Variants in OPALIN observed in about 807,000 individuals in gnomAD.
The protein encoded by OPALIN is oligodendrocytic myelin paranodal and inner loop protein, also known as transmembrane protein 10.
OPALIN carries 15 observed loss-of-function variants against 17.8 expected under a neutral mutation model. The observed-to-expected ratio is 0.84, with a 90% confidence interval of 0.56 to 1.29. OPALIN has a LOEUF of 1.29. Ranked by LOEUF, OPALIN falls within the 50% of genes most tolerant of loss-of-function variation. The pLI is 0.00. For missense variants in OPALIN, 170 were observed against 176.0 expected (o/e 0.97, Z 0.19); for synonymous variants, 62 against 63.8 (o/e 0.97, Z 0.14).
chr10:96,356,070 G>A (rs140652552), intron 1 of OPALIN, among the ~76,000 whole-genome samples: 111 of 152,288 alleles, frequency 7.3e-4, no homozygotes, highest in African/African-American at 2.5e-3. Flanking sequence ...AATGATGGGT[G>A]GACCTGTTCT....
At chr10:96,348,461 A>G in intron 4 of OPALIN, 116 bp from the exon 5 acceptor site, 1 of 530,746 alleles carries the variant, frequency 1.9e-6, no homozygotes, top group East Asian at 3.2e-5. Flanking sequence ...TGTACATTAA[A>G]ACAAACAAAA....
intron 2 of OPALIN, chr10:96,353,569 A>C: frequency 3.8e-6 from 3 of 795,266 alleles, no homozygotes; most frequent in Non-Finnish European, 4.6e-6. Context: ...TTCTCAGAGA[A>C]ATGAGCTGTT....
At chr10:96,352,681 TA>T (rs72007324) in intron 2 of OPALIN, among the ~76,000 whole-genome samples, 1,619 of 96,766 alleles carry the variant, frequency 0.017, 18 homozygotes, top group Middle Eastern at 0.048. Flanking sequence ...TGGCTTTCAC[TA>T]AAAAAAAAAA....
chr10:96,356,977 G>T, intron 1 of OPALIN: 1 of 985,486 alleles, frequency 1.0e-6, no homozygotes, highest in Non-Finnish European at 1.2e-6. Flanking sequence ...AGTAGTCTCT[G>T]TGGATGAATC....
intron 1 of OPALIN, among the ~76,000 whole-genome samples, chr10:96,355,946 C>T (rs916857674): frequency 2.0e-5 from 3 of 152,186 alleles, no homozygotes; most frequent in African/African-American, 7.2e-5. Context: ...CAGTGGAGCA[C>T]CAAGTAGCCT....
chr10:96,355,361 C>T lies in OPALIN; in HGVS notation c.4-71G>A. 13 of 1,412,790 alleles carry T rather than the reference C, an allele frequency of 9.2e-6. No homozygotes were observed. In the South Asian group the frequency reaches 1.5e-4, roughly 16 times the overall value. The allele number at this position is 1,412,790 out of a possible 1,614,324, so 87.5% of individuals were successfully genotyped here. ...AGCTCCTTCCTCACTTCCTCAAACT[C>T]ACTGACCCTGGTGGATTCCGAGAGG... On this transcript the variant is annotated intron_variant, in intron 1 of 5. Coordinates refer to ENST00000371172, the MANE Select transcript of OPALIN (RefSeq NM_033207.5).
In OPALIN at chr10:96,344,441, A is replaced by G. The variant is rs1394536180; in HGVS notation, c.*1500T>C. ...AAATGAAACTCATATTGAAGGCAAA[A>G]GAAGAGTACAGAAGAAAAAAAAAAA... On this transcript the variant is annotated 3_prime_UTR_variant, in exon 6 of 6. Transcript: ENST00000371172. The G allele has an allele frequency of 3.2e-5, 4 of 125,232 alleles. No homozygotes were observed. Among genetic ancestry groups the G allele is most frequent in the Non-Finnish European group, 7.0e-5 (4 of 57,066 alleles). The allele number at this position is 125,232 out of a possible 1,614,324, so 7.8% of individuals were successfully genotyped here.
At chr10:96,358,491 A>G (rs11188735) in intron 1 of OPALIN, among the ~76,000 whole-genome samples, 109,716 of 151,614 alleles carry the variant, frequency 0.72, 40,558 homozygotes, top group East Asian at 0.9. Flanking sequence ...CATTTGATTG[A>G]GTCACAACAA....
chr10:96,355,939 T>C (rs548197918), intron 1 of OPALIN, among the ~76,000 whole-genome samples: 2 of 152,346 alleles, frequency 1.3e-5, no homozygotes, highest in South Asian at 4.1e-4. Flanking sequence ...GTGGGCTCAG[T>C]GGAGCACCAA....
chr10:96,351,079 A>G (rs570844414), intron 3 of OPALIN, among the ~76,000 whole-genome samples: 2 of 152,188 alleles, frequency 1.3e-5, no homozygotes, highest in Non-Finnish European at 2.9e-5. Flanking sequence ...GTGCGTGACC[A>G]CTATTCTGAA....
Position 96,356,597 on chromosome 10 carries a change from G to T in OPALIN, c.4-1307C>A, listed in dbSNP as rs1304708871. On this transcript the variant is annotated intron_variant, in intron 1 of 5. Coordinates refer to ENST00000371172, the MANE Select transcript of OPALIN (RefSeq NM_033207.5). ...AACAGAGGATCTCATCCCAACAGAA[G>T]CAAACTGACAAAACACCTATTTCAG... 3.9e-5 allele frequency among the ~76,000 whole-genome samples: 6 copies of T among 152,154 alleles called. No homozygotes were observed. The East Asian group carries it at 1.2e-3, about 29-fold the overall frequency.
chr10:96,351,331 G>A (rs772392252), intron 3 of OPALIN, 47 bp downstream of exon 3: 2 of 1,112,296 alleles, frequency 1.8e-6, no homozygotes, highest in Admixed American at 2.2e-5. Context: ...AAGATGGATG[G>A]AGCATTATTA....
At chr10:96,357,390 C>T (rs756923735) in intron 1 of OPALIN, among the ~76,000 whole-genome samples, 35 of 152,162 alleles carry the variant, frequency 2.3e-4, no homozygotes, top group African/African-American at 8.2e-4. Flanking sequence ...AGAAAAACAT[C>T]GCACAAATTA....
intron 4 of OPALIN, among the ~76,000 whole-genome samples, chr10:96,349,103 T>C (rs561526217): frequency 1.3e-5 from 2 of 152,304 alleles, no homozygotes; most frequent in South Asian, 4.1e-4. Flanking sequence ...ATAACAACCT[T>C]GAATGTCAAT....
chr10:96,358,491 A>T (rs11188735), intron 1 of OPALIN, among the ~76,000 whole-genome samples: 1 of 151,554 alleles, frequency 6.6e-6, no homozygotes, highest in Non-Finnish European at 1.5e-5. Flanking sequence ...CATTTGATTG[A>T]GTCACAACAA....
chr10:96,354,636 C>T lies in OPALIN; in HGVS notation c.39+619G>A, dbSNP rs796528787. On this transcript the variant is annotated intron_variant, in intron 2 of 5. Transcript: ENST00000371172. ...ACAAAAGTCAAAATTTATGTAACGC[C>T]AAACAGGACAGGAAGGGTTACACCA... Among the ~76,000 whole-genome samples the T allele has an allele frequency of 1.6e-4, 24 of 152,184 alleles. 1 individual carries two copies. Among genetic ancestry groups the T allele is most frequent in the African/African-American group, 5.8e-4 (24 of 41,526 alleles).
intron 5 of OPALIN, among the ~76,000 whole-genome samples, chr10:96,347,949 G>A (rs1454995765): frequency 6.6e-6 from 1 of 152,220 alleles, no homozygotes; most frequent in Admixed American, 6.5e-5. Flanking sequence ...CATCTTTCAA[G>A]TCAAGGAAGT....
chr10:96,355,367 C>T lies in OPALIN; in HGVS notation c.4-77G>A, dbSNP rs1178663985. On this transcript the variant is annotated intron_variant, in intron 1 of 5. Coordinates refer to ENST00000371172, the MANE Select transcript of OPALIN (RefSeq NM_033207.5). ...TTCCTCACTTCCTCAAACTCACTGACCCTGGTGGATTCCGAGAGGTCATTG... is the reference window on the plus strand; with the variant it reads ...TTCCTCACTTCCTCAAACTCACTGATCCTGGTGGATTCCGAGAGGTCATTG... 2.9e-6 allele frequency: 4 copies of T among 1,356,444 alleles called. No homozygotes were observed. In the African/African-American group the frequency reaches 5.7e-5, roughly 19 times the overall value. 84.0% of individuals were successfully genotyped at this position (1,356,444 alleles called of 1,614,324 possible).
chr10:96,350,666 AAAAT>A (rs1215261974), intron 3 of OPALIN, among the ~76,000 whole-genome samples: 2 of 152,264 alleles, frequency 1.3e-5, no homozygotes, highest in African/African-American at 4.8e-5. Flanking sequence ...AAGTATAATA[AAAAT>A]AAATAAATAA....
Sources: gnomAD v4.1 joint callset for allele counts (sites outside exome capture counted in the v4.1 genomes callset) on GRCh38, gnomAD v4.1.1 for gene constraint, MANE v1.5 for transcripts, NCBI Gene and HGNC (gene_info 2026-07-23, HGNC 2026-07-21) for gene names.